The following CADM1 variants were observed in gnomAD, a reference collection of about 807,000 sequenced individuals.
CADM1 encodes cell adhesion molecule 1.
Under a neutral mutation model 53.1 loss-of-function variants are expected in CADM1, and 15 were observed. The observed-to-expected ratio is 0.28, with a 90% confidence interval of 0.19 to 0.44. CADM1 has a LOEUF of 0.44. Among genes scored for constraint, CADM1 ranks in the 20% least tolerant of loss-of-function variants. The pLI is 1.00. For missense variants in CADM1, 434 were observed against 611.3 expected, an observed-to-expected ratio of 0.71 and a Z score of 3.06; for synonymous variants, 281 against 243.0, an observed-to-expected ratio of 1.16 and a Z score of -1.45.
intron 1 of CADM1, 123 bp downstream of exon 1, chr11:115,504,148 C>G (rs925369363): frequency 3.5e-6 from 5 of 1,411,620 alleles, no homozygotes; most frequent in Non-Finnish European, 1.9e-6. Flanking sequence ...TCTCCACACT[C>G]CCTCCGCTTC....
chr11:115,212,479 T>A (rs1941006513), intron 7 of CADM1, among the ~76,000 whole-genome samples: 1 of 152,120 alleles, frequency 6.6e-6, no homozygotes, highest in East Asian at 1.9e-4. Flanking sequence ...ATCTAGCAAA[T>A]CCCTAGACAA....
Position 115,240,488 on chromosome 11 carries a change from T to G in CADM1, c.125-68A>C, listed in dbSNP as rs952951890. The G allele has an allele frequency of 5.2e-6, 8 of 1,530,592 alleles. No individual in the cohort carries two copies. The Admixed American group carries it at 1.0e-4, about 20-fold the overall frequency. The allele number at this position is 1,530,592 out of a possible 1,614,324, so 94.8% of individuals were successfully genotyped here. A position where few individuals can be genotyped will look rare whatever the true frequency, so the allele number is the denominator to read the frequency against. On this transcript the variant is annotated intron_variant, in intron 1 of 11. Coordinates refer to ENST00000331581, the MANE Select transcript of CADM1 (RefSeq NM_001301043.2). ...ATTAAAATGTGATCAGTGGGATCTA[T>G]TAAAGTGGGAACTAGGCATATTAGA...
chr11:115,248,652 CTCTCACTTCTTTT>C (rs1408236668), intron 1 of CADM1, among the ~76,000 whole-genome samples: 126 of 152,128 alleles, frequency 8.3e-4, no homozygotes, highest in Non-Finnish European at 2.2e-4. Flanking sequence ...AGACTTTTTT[CTCTCACTTCTTTT>C]CATAGCTGGA....
chr11:115,332,738 T>C (rs1565370401), intron 1 of CADM1, among the ~76,000 whole-genome samples: 1 of 152,126 alleles, frequency 6.6e-6, no homozygotes, highest in South Asian at 2.1e-4. Flanking sequence ...TAGATTAGAG[T>C]GGTATGACTG....
intron 1 of CADM1, among the ~76,000 whole-genome samples, chr11:115,441,384 G>A (rs916917281): frequency 1.6e-4 from 25 of 152,080 alleles, no homozygotes; most frequent in Non-Finnish European, 2.5e-4. Flanking sequence ...GACAAACACA[G>A]ATTTCAAAAA....
intron 10 of CADM1, among the ~76,000 whole-genome samples, chr11:115,188,332 T>C (rs2134631028): frequency 6.6e-6 from 1 of 152,244 alleles, no homozygotes; most frequent in Middle Eastern, 3.4e-3. Context: ...GGGTTCAAAG[T>C]AGAACTGGGT....
intron 1 of CADM1, among the ~76,000 whole-genome samples, chr11:115,352,038 A>G (rs1214412204): frequency 6.6e-6 from 1 of 152,202 alleles, no homozygotes; most frequent in Non-Finnish European, 1.5e-5. Flanking sequence ...TACATCCGCA[A>G]TTCCCAATAA....
intron 1 of CADM1, among the ~76,000 whole-genome samples, chr11:115,380,789 T>A (rs1177705795): frequency 6.6e-6 from 1 of 152,148 alleles, no homozygotes; most frequent in Non-Finnish European, 1.5e-5. Flanking sequence ...TCATTTTGGA[T>A]GAGAATCAAA....
chr11:115,245,409 C>G (rs556004960), intron 1 of CADM1, among the ~76,000 whole-genome samples: 2 of 152,260 alleles, frequency 1.3e-5, no homozygotes, highest in Admixed American at 6.5e-5. Flanking sequence ...TCATTCCTAC[C>G]CTCCTAGGTT....
intron 1 of CADM1, among the ~76,000 whole-genome samples, chr11:115,258,276 G>A (rs918226385): frequency 2.0e-5 from 3 of 152,002 alleles, no homozygotes; most frequent in Non-Finnish European, 4.4e-5. Context: ...TTTATGATCT[G>A]CCAGCTGTGT....
chr11:115,220,167 T>C (rs948097984), intron 5 of CADM1, among the ~76,000 whole-genome samples: 1 of 152,138 alleles, frequency 6.6e-6, no homozygotes, highest in African/African-American at 2.4e-5. Flanking sequence ...GTTTTTCTTC[T>C]TTTTTCCTTA....
intron 1 of CADM1, among the ~76,000 whole-genome samples, chr11:115,443,711 A>G (rs1421833388): frequency 2.0e-5 from 3 of 152,198 alleles, no homozygotes; most frequent in African/African-American, 7.2e-5. Flanking sequence ...TTCGAAAAAC[A>G]TTTTTTGCAT....
At chr11:115,376,432 C>A (rs1388055169) in intron 1 of CADM1, among the ~76,000 whole-genome samples, 1 of 151,982 alleles carries the variant, frequency 6.6e-6, no homozygotes, top group Non-Finnish European at 1.5e-5. Flanking sequence ...GATGTTTCTA[C>A]ATAGTTTCTA....
At chr11:115,465,473 G>A (rs973463449) in intron 1 of CADM1, among the ~76,000 whole-genome samples, 1 of 152,018 alleles carries the variant, frequency 6.6e-6, no homozygotes, top group African/African-American at 2.4e-5. Flanking sequence ...CTTTCCCCAG[G>A]TATTAAAAGA....
In CADM1 at chr11:115,267,662, A is replaced by G. The variant is rs45609735; in HGVS notation, c.125-27242T>C. On this transcript the variant is annotated intron_variant, in intron 1 of 11. Coordinates refer to ENST00000331581, the MANE Select transcript of CADM1 (RefSeq NM_001301043.2). Reference sequence around the variant, plus strand: ...CATTTCCCTGGCTACTACACAAACTAACCTAAAATTGCTTTCTTTTTTTTT... The same window carrying G: ...CATTTCCCTGGCTACTACACAAACTGACCTAAAATTGCTTTCTTTTTTTTT... 7.9e-3 allele frequency among the ~76,000 whole-genome samples: 1,176 copies of G among 149,506 alleles called. 12 individuals carry two copies. Among genetic ancestry groups the G allele is most frequent in the Middle Eastern group, 0.034 (10 of 294 alleles).
At chr11:115,484,669 C>A (rs967354373) in intron 1 of CADM1, among the ~76,000 whole-genome samples, 1 of 152,118 alleles carries the variant, frequency 6.6e-6, no homozygotes, top group Non-Finnish European at 1.5e-5. Flanking sequence ...AAACCTGGGC[C>A]GGGCGCGGTG....
chr11:115,371,474 T>C (rs970806846), intron 1 of CADM1, among the ~76,000 whole-genome samples: 9 of 151,216 alleles, frequency 6.0e-5, no homozygotes, highest in Non-Finnish European at 1.0e-4. Flanking sequence ...TAATAAACAA[T>C]ACTCAACACA....
At chr11:115,290,566 A>T (rs1057253626) in intron 1 of CADM1, among the ~76,000 whole-genome samples, 2 of 152,264 alleles carry the variant, frequency 1.3e-5, no homozygotes, top group African/African-American at 4.8e-5. Context: ...AGAATTTATT[A>T]TCAGGTAGGA....
chr11:115,384,356 G>A (rs949182702), intron 1 of CADM1, among the ~76,000 whole-genome samples: 13 of 152,028 alleles, frequency 8.6e-5, no homozygotes, highest in Non-Finnish European at 1.8e-4. Context: ...CAGTGAGAGG[G>A]CAAAAACCAC....
Sources: gnomAD v4.1 joint callset for allele counts (sites outside exome capture counted in the v4.1 genomes callset) on GRCh38, gnomAD v4.1.1 for gene constraint, MANE v1.5 for transcripts, NCBI Gene and HGNC (gene_info 2026-07-23, HGNC 2026-07-21) for gene names.